The following PHACTR1 variants were observed in gnomAD, a reference collection of about 807,000 sequenced individuals.
The protein encoded by PHACTR1 is phosphatase and actin regulator 1, also known as RPEL repeat containing 1.
Under a neutral mutation model 69.2 loss-of-function variants are expected in PHACTR1, and 16 were observed. That is an observed-to-expected ratio of 0.23 (90% CI 0.16 to 0.35). PHACTR1 has a LOEUF of 0.35. PHACTR1 is among the 10% of genes least tolerant of loss of function. The pLI, the probability that PHACTR1 is intolerant of heterozygous loss-of-function variation, is 1.00. For synonymous variants in PHACTR1, 312 were observed against 284.5 expected (o/e 1.10, Z -0.97); for missense variants, 510 against 734.7 (o/e 0.69, Z 3.54).
intron 4 of PHACTR1, among the ~76,000 whole-genome samples, chr6:13,042,904 T>C (rs575099666): frequency 6.6e-6 from 1 of 152,346 alleles, no homozygotes; most frequent in Non-Finnish European, 1.5e-5. Flanking sequence ...ACACAGTGAA[T>C]TTGTTAGAAC....
chr6:13,001,326 A>C (rs1798072172), intron 4 of PHACTR1, among the ~76,000 whole-genome samples: 1 of 152,200 alleles, frequency 6.6e-6, no homozygotes, highest in African/African-American at 2.4e-5. Context: ...ATAAGAGAAA[A>C]ATTGGGAAGA....
intron 10 of PHACTR1, among the ~76,000 whole-genome samples, chr6:13,261,031 C>T (rs575145018): frequency 6.6e-6 from 1 of 152,286 alleles, no homozygotes; most frequent in Admixed American, 6.5e-5. Flanking sequence ...CAACAGCACC[C>T]TCTCAATCGC....
intron 10 of PHACTR1, 124 bp downstream of exon 10, chr6:13,230,317 C>T (rs137877115): frequency 5.5e-5 from 83 of 1,511,678 alleles, no homozygotes; most frequent in Middle Eastern, 2.0e-4. Context: ...TTTGGGAGGC[C>T]GAGGCAGGTG....
chr6:12,983,691 C>T (rs542548016), intron 4 of PHACTR1, among the ~76,000 whole-genome samples: 4 of 152,258 alleles, frequency 2.6e-5, no homozygotes, highest in African/African-American at 9.6e-5. Flanking sequence ...TGCTACCCCT[C>T]CCCACTCCCG....
chr6:12,930,964 C>G (rs1255896141), intron 4 of PHACTR1, among the ~76,000 whole-genome samples: 2 of 137,828 alleles, frequency 1.5e-5, no homozygotes, highest in Admixed American at 1.6e-4. Flanking sequence ...AGGCAGGAGA[C>G]TCACTTGAAC....
chr6:13,067,515 C>T (rs1020770022), intron 5 of PHACTR1, among the ~76,000 whole-genome samples: 6 of 152,128 alleles, frequency 3.9e-5, no homozygotes, highest in East Asian at 3.8e-4. Context: ...AGCCATGATA[C>T]GAGTCTTTAT....
intron 7 of PHACTR1, among the ~76,000 whole-genome samples, chr6:13,196,977 A>G (rs1324403549): frequency 6.6e-6 from 1 of 151,924 alleles, no homozygotes; most frequent in South Asian, 2.1e-4. Flanking sequence ...CTACCTTCCC[A>G]CCCCAGGCTG....
intron 8 of PHACTR1, chr6:13,214,359 T>G (rs552072346): frequency 9.2e-5 from 14 of 152,346 alleles, no homozygotes; most frequent in Non-Finnish European, 1.5e-4. Flanking sequence ...ATCTAGATCT[T>G]TACTTGTCAT....
chr6:13,234,359 C>T (rs1051679969), intron 10 of PHACTR1, among the ~76,000 whole-genome samples: 5 of 152,200 alleles, frequency 3.3e-5, no homozygotes, highest in Admixed American at 6.5e-5. Flanking sequence ...TAGACATGTG[C>T]TGTAGAGTTG....
intron 10 of PHACTR1, among the ~76,000 whole-genome samples, chr6:13,242,344 C>T (rs907549952): frequency 5.3e-5 from 8 of 152,204 alleles, no homozygotes; most frequent in African/African-American, 1.7e-4. Context: ...GTTGGATGAG[C>T]GTAAAGGACC....
At chr6:12,842,331 G>A (rs1537335) in intron 4 of PHACTR1, among the ~76,000 whole-genome samples, 29,276 of 152,122 alleles carry the variant, frequency 0.19, 3,078 homozygotes, top group African/African-American at 0.27. Context: ...AACTTTGCCA[G>A]TGTTACTGGG....
chr6:13,199,604 AC>A (rs1160605861), intron 7 of PHACTR1, among the ~76,000 whole-genome samples: 2 of 152,146 alleles, frequency 1.3e-5, no homozygotes, highest in East Asian at 3.8e-4. Context: ...AGGCAGAAGA[AC>A]CTGAATGCTT....
intron 7 of PHACTR1, 75 bp from the exon 8 acceptor site, chr6:13,205,740 G>A: frequency 7.2e-7 from 1 of 1,387,206 alleles, no homozygotes; most frequent in Non-Finnish European, 9.9e-7. Context: ...GTCTCCAGGT[G>A]AGCGCATCTG....
intron 5 of PHACTR1, among the ~76,000 whole-genome samples, chr6:13,092,040 C>T (rs935963680): frequency 1.1e-4 from 16 of 152,152 alleles, no homozygotes; most frequent in Admixed American, 5.2e-4. Context: ...CCTCATGATC[C>T]GCCCATCTCA....
In PHACTR1 at chr6:13,136,951, A is replaced by G. The variant is rs549275184; in HGVS notation, c.416-23253A>G. On this transcript the variant is annotated intron_variant, in intron 5 of 14. Transcript: ENST00000332995. ...ACAGATCACCATAACAGACCTAATG[A>G]TGATGAAAAGTGTGAAAAATTGCAA... 6.6e-5 allele frequency among the ~76,000 whole-genome samples: 10 copies of G among 152,330 alleles called. No homozygotes were observed. In the South Asian group the frequency reaches 2.1e-3, roughly 32 times the overall value.
At chr6:13,213,819 C>T (rs1042683129) in intron 8 of PHACTR1, among the ~76,000 whole-genome samples, 2 of 152,194 alleles carry the variant, frequency 1.3e-5, no homozygotes, top group Non-Finnish European at 2.9e-5. Context: ...CCAGCCCCGA[C>T]AACTGTGAGG....
intron 4 of PHACTR1, among the ~76,000 whole-genome samples, chr6:12,865,271 C>G (rs60844130): frequency 0.11 from 17,281 of 152,182 alleles, 1,483 homozygotes; most frequent in East Asian, 0.36. Flanking sequence ...GTTATTTATA[C>G]TGACATCTTG....
In PHACTR1 at chr6:12,833,451, G is replaced by A. The variant is rs1777809116; in HGVS notation, c.250+83661G>A. Among the ~76,000 whole-genome samples the A allele has an allele frequency of 2.6e-5, 4 of 151,936 alleles. No individual in the cohort carries two copies. The South Asian group carries it at 8.3e-4, about 32-fold the overall frequency. Reference sequence around the variant, plus strand: ...TTTTTGTATTTTTAGTTGAGACAGGGTTTCACCATGTTGGCCAGGCTGGTC... The same window carrying A: ...TTTTTGTATTTTTAGTTGAGACAGGATTTCACCATGTTGGCCAGGCTGGTC... On this transcript the variant is annotated intron_variant, in intron 4 of 14. Coordinates refer to ENST00000332995, the MANE Select transcript of PHACTR1 (RefSeq NM_030948.6).
intron 7 of PHACTR1, among the ~76,000 whole-genome samples, chr6:13,202,383 G>T (rs1765350781): frequency 6.6e-6 from 1 of 151,830 alleles, no homozygotes; most frequent in Non-Finnish European, 1.5e-5. Context: ...TTGCCTTAGA[G>T]AATCAGAGTC....
Sources: gnomAD v4.1 joint callset for allele counts (sites outside exome capture counted in the v4.1 genomes callset) on GRCh38, gnomAD v4.1.1 for gene constraint, MANE v1.5 for transcripts, NCBI Gene and HGNC (gene_info 2026-07-23, HGNC 2026-07-21) for gene names.